Variants in PHACTR1 observed in about 807,000 individuals in gnomAD.
PHACTR1 encodes the protein phosphatase and actin regulator 1, also known as RPEL repeat containing 1.
Under a neutral mutation model 69.2 loss-of-function variants are expected in PHACTR1, and 16 were observed. That is an observed-to-expected ratio of 0.23 (90% confidence interval 0.16 to 0.35). The LOEUF is 0.35. PHACTR1 is among the 10% of genes least tolerant of loss of function. The probability of loss-of-function intolerance (pLI) is 1.00; values close to 1 mark genes in which losing one functional copy is unlikely to be tolerated. For missense variants in PHACTR1, 510 were observed against 734.7 expected (o/e 0.69, Z 3.54); for synonymous variants, 312 against 284.5 (o/e 1.10, Z -0.97).
At chr6:13,256,811 G>A (rs1775251478) in intron 10 of PHACTR1, among the ~76,000 whole-genome samples, 2 of 146,520 alleles carry the variant, frequency 1.4e-5, no homozygotes, top group South Asian at 2.2e-4. Flanking sequence ...GAGCATTTTG[G>A]TCACAAGCCA....
chr6:13,025,701 G>C (rs553705946), intron 4 of PHACTR1, among the ~76,000 whole-genome samples: 1 of 151,992 alleles, frequency 6.6e-6, no homozygotes, highest in South Asian at 2.1e-4. Flanking sequence ...GTGTGTGTGT[G>C]TGTGTGTGTC....
At chr6:12,784,760 G>GCAGGA (rs1200147296) in intron 4 of PHACTR1, among the ~76,000 whole-genome samples, 3 of 151,576 alleles carry the variant, frequency 2.0e-5, no homozygotes, top group African/African-American at 7.3e-5. Flanking sequence ...TGTTGCCCAG[G>GCAGGA]CAGGAGTGCA....
At chr6:12,796,772 A>G (rs946755101) in intron 4 of PHACTR1, among the ~76,000 whole-genome samples, 4 of 152,248 alleles carry the variant, frequency 2.6e-5, no homozygotes, top group Non-Finnish European at 5.9e-5. Context: ...ATAAGCAGAT[A>G]CACAAAGTAG....
At chr6:13,058,597 G>T (rs1807153249) in intron 5 of PHACTR1, among the ~76,000 whole-genome samples, 1 of 152,054 alleles carries the variant, frequency 6.6e-6, no homozygotes, top group Non-Finnish European at 1.5e-5. Context: ...TAAAAATAAA[G>T]GTAAAGTCTC....
At chr6:12,988,291 T>C (rs1796428193) in intron 4 of PHACTR1, among the ~76,000 whole-genome samples, 1 of 152,248 alleles carries the variant, frequency 6.6e-6, no homozygotes, top group Non-Finnish European at 1.5e-5. Context: ...TCCAGACTGA[T>C]TGCTGGAGCT....
In PHACTR1 at chr6:13,153,004, G is replaced by A. The variant is rs1219117835; in HGVS notation, c.416-7200G>A. ...ACCGGCCCTGGAGTGCTGAGGACAG[G>A]TGCACAGCGACTGGGAATGTACTAG... On this transcript the variant is annotated intron_variant, in intron 5 of 14. Coordinates refer to ENST00000332995, the MANE Select transcript of PHACTR1 (RefSeq NM_030948.6). 1.3e-5 allele frequency among the ~76,000 whole-genome samples: 2 copies of A among 152,142 alleles called. 1 individual carries two copies. Among genetic ancestry groups the A allele is most frequent in the Non-Finnish European group, 2.9e-5 (2 of 68,028 alleles).
chr6:13,286,477 A>C (rs1179075977), intron 14 of PHACTR1, among the ~76,000 whole-genome samples: 1 of 152,270 alleles, frequency 6.6e-6, no homozygotes, highest in Non-Finnish European at 1.5e-5. Context: ...TAAGCACCAG[A>C]CTACCAACGA....
intron 4 of PHACTR1, among the ~76,000 whole-genome samples, chr6:12,771,084 G>A (rs1769323444): frequency 6.6e-6 from 1 of 152,188 alleles, no homozygotes; most frequent in Non-Finnish European, 1.5e-5. Flanking sequence ...GCTCCAAAAA[G>A]CTCATGATAA....
chr6:12,780,949 C>T (rs982524383), intron 4 of PHACTR1, among the ~76,000 whole-genome samples: 14 of 152,126 alleles, frequency 9.2e-5, no homozygotes, highest in Admixed American at 6.5e-5. Flanking sequence ...CTCTCCTTTC[C>T]TCTCTCTTTC....
intron 7 of PHACTR1, among the ~76,000 whole-genome samples, chr6:13,202,784 A>G (rs1401278216): frequency 6.6e-6 from 1 of 152,210 alleles, no homozygotes; most frequent in African/African-American, 2.4e-5. Flanking sequence ...CCTGCACTGA[A>G]GCTTCTAAGA....
intron 4 of PHACTR1, among the ~76,000 whole-genome samples, chr6:12,991,299 C>T (rs1433300212): frequency 6.6e-6 from 1 of 152,142 alleles, no homozygotes; most frequent in African/African-American, 2.4e-5. Context: ...AGACAAGGAC[C>T]CTGGCACCCA....
intron 8 of PHACTR1, among the ~76,000 whole-genome samples, chr6:13,211,732 A>G (rs1050350487): frequency 2.0e-5 from 3 of 152,138 alleles, no homozygotes. Flanking sequence ...CAACACTTCT[A>G]CATGCTCCTT....
intron 4 of PHACTR1, among the ~76,000 whole-genome samples, chr6:12,785,799 T>A (rs1771473567): frequency 6.6e-6 from 1 of 152,252 alleles, no homozygotes; most frequent in East Asian, 1.9e-4. Flanking sequence ...ATATACAATA[T>A]GTATTACATT....
intron 4 of PHACTR1, among the ~76,000 whole-genome samples, chr6:12,857,884 G>T (rs1010108901): frequency 6.6e-6 from 1 of 152,152 alleles, no homozygotes; most frequent in Admixed American, 6.5e-5. Flanking sequence ...GTAGTCACAA[G>T]ATCTGGGTTT....
At chr6:13,219,064 C>A (rs1475560594) in intron 8 of PHACTR1, among the ~76,000 whole-genome samples, 1 of 151,872 alleles carries the variant, frequency 6.6e-6, no homozygotes, top group Non-Finnish European at 1.5e-5. Context: ...GGGAACAAGA[C>A]CAAGGGAATA....
intron 7 of PHACTR1, among the ~76,000 whole-genome samples, chr6:13,192,990 G>A (rs1763806503): frequency 6.6e-6 from 1 of 152,088 alleles, no homozygotes; most frequent in Non-Finnish European, 1.5e-5. Flanking sequence ...GTGTTTGAAG[G>A]AAACATGATA....
At chr6:13,058,816 G>A (rs1234508140) in intron 5 of PHACTR1, among the ~76,000 whole-genome samples, 1 of 152,136 alleles carries the variant, frequency 6.6e-6, no homozygotes, top group Non-Finnish European at 1.5e-5. Flanking sequence ...CTAGGAGAGC[G>A]AGAAAGACCA....
intron 6 of PHACTR1, among the ~76,000 whole-genome samples, chr6:13,169,773 G>T (rs1760328170): frequency 6.6e-6 from 1 of 152,224 alleles, no homozygotes; most frequent in African/African-American, 2.4e-5. Flanking sequence ...AAGCCAGTAT[G>T]CAGGCAGCAG....
chr6:13,050,760 T>A (rs1202109118), intron 4 of PHACTR1, among the ~76,000 whole-genome samples: 2 of 152,258 alleles, frequency 1.3e-5, no homozygotes, highest in Non-Finnish European at 2.9e-5. Flanking sequence ...GCTGCCATCC[T>A]ATTCTGCTTC....
Sources: allele counts gnomAD v4.1 joint callset (sites outside exome capture counted in the v4.1 genomes callset), GRCh38; gene constraint gnomAD v4.1.1; transcripts MANE v1.5; gene names NCBI Gene and HGNC (gene_info 2026-07-23, HGNC 2026-07-21).